Variants in NSD1 observed in about 807,000 individuals in gnomAD.
NSD1 encodes nuclear receptor binding SET domain protein 1, also known as histone-lysine N-methyltransferase, H3 lysine-36 specific.
A neutral mutation model predicts 242.7 loss-of-function variants in NSD1; 26 were observed. That is an observed-to-expected ratio of 0.11 (90% confidence interval 0.08 to 0.15). NSD1 has a LOEUF of 0.15. NSD1 is among the 10% of genes least tolerant of loss of function. The probability of loss-of-function intolerance (pLI) is 1.00; values close to 1 mark genes in which losing one functional copy is unlikely to be tolerated. For synonymous variants in NSD1, 1,106 were observed against 1,178.1 expected (o/e 0.94, Z 1.25); for missense variants, 2,495 against 3,272.8 (o/e 0.76, Z 5.80).
In NSD1 at chr5:177,298,384, T is replaced by C. The variant is rs533776376; in HGVS notation, c.*2925T>C. ...AAAGTTGAAATTCTCCATGGGTAGCTAGAAAGCCAATACATCTAGCCCTGC... is the reference window on the plus strand; with the variant it reads ...AAAGTTGAAATTCTCCATGGGTAGCCAGAAAGCCAATACATCTAGCCCTGC... On this transcript the variant is annotated 3_prime_UTR_variant, in exon 23 of 23. Transcript: ENST00000439151. 4.3e-6 allele frequency: 1 copy of C among 233,244 alleles called. No homozygotes were observed. The highest frequency in any genetic ancestry group is 2.2e-5 in the African/African-American group (1 of 45,448). The allele number at this position is 233,244 out of a possible 1,614,324, so 14.4% of individuals were successfully genotyped here.
At chr5:177,156,518 T>TA (rs1424125958) in intron 2 of NSD1, among the ~76,000 whole-genome samples, 3 of 152,086 alleles carry the variant, frequency 2.0e-5, no homozygotes, top group Admixed American at 2.0e-4. Context: ...AGCATGAACT[T>TA]AAAAAATCAG....
intron 5 of NSD1, among the ~76,000 whole-genome samples, chr5:177,220,134 C>T (rs983825315): frequency 2.6e-5 from 4 of 152,110 alleles, no homozygotes; most frequent in African/African-American, 4.8e-5. Flanking sequence ...ATTATTTTAA[C>T]GTGGAGTATT....
At position 177,238,303 on chromosome 5, in the gene NSD1, G is replaced by T; in HGVS notation, c.3988G>T (p.Val1330Leu). Residue 1330 changes from valine to leucine, a missense_variant, in exon 7 of 23, where the codon GTG becomes TTG. Around this residue, in one of 19 missense-constraint regions of NSD1, gnomAD observed 100 missense variants for 190.7 expected, o/e 0.52. Coordinates refer to ENST00000439151, the MANE Select transcript of NSD1 (RefSeq NM_022455.5). This position sits in a 1 kb window ranked among gnomAD's most constrained non-coding sequence, Gnocchi z 4.6. ...RGRSSAQNKQ[V>L]DENSLISTKE... ...TCGATCTAGTGCTCAGAACAAGCAG[G>T]TGGACGAGAATTCTTTGATTTCAAC... 2 of 1,614,116 alleles carry T rather than the reference G, an allele frequency of 1.2e-6. No individual in the cohort carries two copies. The highest frequency in any genetic ancestry group is 8.5e-7 in the Non-Finnish European group (1 of 1,180,020).
chr5:177,175,038 A>AT (rs1760075179), intron 2 of NSD1, among the ~76,000 whole-genome samples: 1 of 151,126 alleles, frequency 6.6e-6, no homozygotes, highest in African/African-American at 2.4e-5. Flanking sequence ...CGCCCGGCTA[A>AT]TTTTTTGTAT....
chr5:177,194,003 C>T (rs1482374060), intron 3 of NSD1, among the ~76,000 whole-genome samples: 1 of 152,120 alleles, frequency 6.6e-6, no homozygotes, highest in Admixed American at 6.5e-5. Context: ...TCTCAAACTC[C>T]TGACCTCAAG....
intron 2 of NSD1, chr5:177,169,722 TAA>T (rs1225231883): frequency 1.3e-5 from 2 of 152,194 alleles, no homozygotes; most frequent in African/African-American, 4.8e-5. Context: ...AAACAAGTAA[TAA>T]GTCTTTAGCA....
In NSD1 at chr5:177,172,806, T is replaced by A. The variant is rs190181285; in HGVS notation, c.928-19078T>A. On this transcript the variant is annotated intron_variant, in intron 2 of 22. Transcript: ENST00000439151. Reference sequence around the variant, plus strand: ...AGATCCTGTCTCTAAAAATTTTTTTTAAAAACTAGCTGGGCATGGTGGTAC... The same window carrying A: ...AGATCCTGTCTCTAAAAATTTTTTTAAAAAACTAGCTGGGCATGGTGGTAC... 7.7e-3 allele frequency among the ~76,000 whole-genome samples: 1,171 copies of A among 151,616 alleles called. 19 individuals carry two copies. Among genetic ancestry groups the A allele is most frequent in the African/African-American group, 0.027 (1,116 of 41,342 alleles).
intron 6 of NSD1, among the ~76,000 whole-genome samples, chr5:177,236,394 A>G (rs952807728): frequency 1.3e-5 from 2 of 152,198 alleles, no homozygotes; most frequent in Non-Finnish European, 2.9e-5. Context: ...TTTATAATCA[A>G]TTTAACATAT....
intron 12 of NSD1, among the ~76,000 whole-genome samples, chr5:177,255,538 C>CAG (rs1756359810): frequency 6.6e-6 from 1 of 152,030 alleles, no homozygotes; most frequent in Non-Finnish European, 1.5e-5. Flanking sequence ...CTGCATCTCA[C>CAG]AGAGAGATAG....
In NSD1 at chr5:177,212,125, C is replaced by T. The variant is rs2149849399; in HGVS notation, c.3726C>T (p.Ala1242=). The T allele has an allele frequency of 6.2e-7, 1 of 1,613,936 alleles. No individual in the cohort carries two copies. The highest frequency in any genetic ancestry group is 1.1e-5 in the South Asian group (1 of 91,068). Residue 1242 remains alanine (A), a synonymous_variant, in exon 5 of 23, where the codon GCC becomes GCT. Coordinates refer to ENST00000439151, the MANE Select transcript of NSD1 (RefSeq NM_022455.5). ...TAAATGTTTGTGATAAATCCAGTGC[C>T]AGCATTGGTGACATGGAAAAGGAGC... ...PRLNVCDKSS[A]SIGDMEKEPG...
At chr5:177,235,033 C>T (rs1459818866) in intron 5 of NSD1, among the ~76,000 whole-genome samples, 1 of 152,178 alleles carries the variant, frequency 6.6e-6, no homozygotes, top group African/African-American at 2.4e-5. Context: ...CCTGAACACA[C>T]ATTACTTTTT....
At position 177,235,912 on chromosome 5, in the gene NSD1, A is replaced by C. The variant is rs587784106; in HGVS notation, c.3888A>C (p.Lys1296Asn). Residue 1296 changes from lysine to asparagine, a missense_variant, in exon 6 of 23, where the codon AAA (lysine) becomes AAC (asparagine). Around this residue, in one of 19 missense-constraint regions of NSD1, gnomAD observed 426 missense variants for 411.4 expected, o/e 1.04. Coordinates refer to ENST00000439151, the MANE Select transcript of NSD1 (RefSeq NM_022455.5). ...EEYDQIFAPK[K>N]KQKKVQEQVH... ...ATGATCAGATATTTGCTCCTAAGAA[A>C]AAACAAAAGAAGGTACAGGAGCAGG... 1 of 1,613,890 alleles carries C rather than the reference A, an allele frequency of 6.2e-7. No individual in the cohort carries two copies. Among genetic ancestry groups the C allele is most frequent in the African/African-American group, 1.3e-5 (1 of 74,934 alleles).
At chr5:177,148,811 C>T (rs1006724200) in intron 2 of NSD1, among the ~76,000 whole-genome samples, 1 of 152,032 alleles carries the variant, frequency 6.6e-6, no homozygotes, top group Non-Finnish European at 1.5e-5. Flanking sequence ...TATGAGTGAT[C>T]CAGTTTCTTT....
At chr5:177,290,306 T>TG (rs1562303420) in intron 21 of NSD1, among the ~76,000 whole-genome samples, 3 of 151,726 alleles carry the variant, frequency 2.0e-5, no homozygotes, top group African/African-American at 7.3e-5. Context: ...ATATAGTGAC[T>TG]TCAATTGAGT....
intron 2 of NSD1, among the ~76,000 whole-genome samples, chr5:177,136,596 A>G: frequency 6.7e-6 from 1 of 149,224 alleles, no homozygotes; most frequent in African/African-American, 2.5e-5. Context: ...GATAACTGCC[A>G]CCATTAGCTC....
intron 14 of NSD1, chr5:177,266,183 A>G (rs951045983): frequency 2.7e-5 from 28 of 1,050,334 alleles, no homozygotes; most frequent in Non-Finnish European, 3.6e-5. Flanking sequence ...ATGGACTCGT[A>G]GAAGAGGCAG....
intron 3 of NSD1, among the ~76,000 whole-genome samples, chr5:177,198,348 CAG>C (rs1173443708): frequency 6.6e-6 from 1 of 152,048 alleles, no homozygotes; most frequent in Non-Finnish European, 1.5e-5. Context: ...ACTCTAGAGA[CAG>C]GGAAGTTTCA....
intron 5 of NSD1, among the ~76,000 whole-genome samples, chr5:177,233,588 A>G (rs927953068): frequency 4.9e-5 from 7 of 142,368 alleles, no homozygotes; most frequent in Non-Finnish European, 1.0e-4. Context: ...CATATTGGCC[A>G]GGCTGGTCTC....
Position 177,238,327 on chromosome 5 carries a change from A to C in NSD1, c.4012A>C (p.Thr1338Pro). Residue 1338 changes from threonine to proline, a missense_variant, in exon 7 of 23, where the codon ACC (threonine) becomes CCC (proline). By Grantham distance (38) the Thr-to-Pro change is conservative. Coordinates refer to ENST00000439151, the MANE Select transcript of NSD1 (RefSeq NM_022455.5). This position sits in a 1 kb window ranked among gnomAD's most constrained non-coding sequence, Gnocchi z 4.6. Reference protein sequence around the residue: ...KQVDENSLISTKEEPPVLERE... With the variant: ...KQVDENSLISPKEEPPVLERE... Reference sequence around the variant, plus strand: ...GGTGGACGAGAATTCTTTGATTTCAACCAAAGAAGAGCCTCCAGTTCTTGA... The same window carrying C: ...GGTGGACGAGAATTCTTTGATTTCACCCAAAGAAGAGCCTCCAGTTCTTGA... 1 of 1,614,070 alleles carries C rather than the reference A, an allele frequency of 6.2e-7. No homozygotes were observed. The highest frequency in any genetic ancestry group is 2.2e-5 in the East Asian group (1 of 44,868).
Sources: allele counts gnomAD v4.1 joint callset (sites outside exome capture counted in the v4.1 genomes callset), GRCh38; gene constraint gnomAD v4.1.1; regional missense constraint gnomAD v4.1.1; non-coding constraint Gnocchi (gnomAD v3.1); transcripts MANE v1.5; gene names NCBI Gene and HGNC (gene_info 2026-07-23, HGNC 2026-07-21).